The following TCF4 variants were observed in gnomAD, a reference collection of about 807,000 sequenced individuals.
TCF4 encodes the protein transcription factor 4, also known as SL3-3 enhancer factor 2.
In TCF4, 3 loss-of-function variants were observed where a neutral mutation model predicts 82.1. The ratio of observed to expected loss-of-function variants is 0.04; its 90% confidence interval spans 0.02 to 0.09. The LOEUF is 0.09. TCF4 is among the 10% of genes least tolerant of loss of function. The pLI is 1.00. For synonymous variants in TCF4, 276 were observed against 309.6 expected (o/e 0.89, Z 1.14); for missense variants, 518 against 852.7 (o/e 0.61, Z 4.89).
intron 8 of TCF4, among the ~76,000 whole-genome samples, chr18:55,331,619 A>G (rs1207766293): frequency 6.6e-6 from 1 of 152,234 alleles, no homozygotes; most frequent in East Asian, 1.9e-4. Flanking sequence ...TGTAACTTCC[A>G]TTTGAGAATA....
At position 55,633,894 on chromosome 18, in the gene TCF4, AAAC is replaced by A. The variant is rs71169310; in HGVS notation, c.195+1806_195+1808del. Among the ~76,000 whole-genome samples, 68,386 of 150,528 alleles carry A rather than the reference AAAC, an allele frequency of 0.45. 16,919 individuals are homozygous for A. The highest frequency in any genetic ancestry group is 0.62 in the Admixed American group (9,407 of 15,092). ...ACCAAACCAAAACAAAAAAGGCACA[AAAC>A]AACAACAACAACAACAACAACAACA... On this transcript the variant is annotated intron_variant, in intron 1 of 20. Transcript: ENST00000398339. The surrounding 1 kb of genome is among the most constrained non-coding windows in gnomAD (Gnocchi z 4.0).
chr18:55,404,118 A>C (rs1050961914), intron 5 of TCF4: 2 of 861,540 alleles, frequency 2.3e-6, no homozygotes, highest in Non-Finnish European at 1.5e-6. Flanking sequence ...TCTGAACCCA[A>C]GTTCAGATTC....
chr18:55,403,022 C>T (rs767629665), intron 6 of TCF4, among the ~76,000 whole-genome samples: 1 of 152,138 alleles, frequency 6.6e-6, no homozygotes, highest in African/African-American at 2.4e-5. Context: ...CCTGTTTTCA[C>T]ACAACATCAT....
At chr18:55,413,179 C>T (rs1437537133) in intron 5 of TCF4, among the ~76,000 whole-genome samples, 3 of 152,082 alleles carry the variant, frequency 2.0e-5, no homozygotes, top group Admixed American at 1.3e-4. Context: ...ATAATACATA[C>T]ATAAACACAC....
chr18:55,306,136 T>C (rs1205460944), intron 8 of TCF4, among the ~76,000 whole-genome samples: 1 of 152,176 alleles, frequency 6.6e-6, no homozygotes, highest in African/African-American at 2.4e-5. Flanking sequence ...AAGTGAATTA[T>C]TAATTATTTG....
intron 6 of TCF4, among the ~76,000 whole-genome samples, chr18:55,371,126 G>A (rs531165396): frequency 6.6e-6 from 1 of 152,258 alleles, no homozygotes; most frequent in African/African-American, 2.4e-5. Context: ...TGGTATTATT[G>A]AGGTCTCTGG....
chr18:55,596,091 C>T (rs774293768), intron 2 of TCF4: 9 of 438,216 alleles, frequency 2.1e-5, no homozygotes, highest in Admixed American at 7.4e-5. Flanking sequence ...AAATTAGCCT[C>T]GAGTGATGAC....
Position 55,574,364 on chromosome 18 carries a change from G to A in TCF4, c.145+10916C>T, listed in dbSNP as rs569318364. On this transcript the variant is annotated intron_variant, in intron 3 of 19. Transcript: ENST00000354452. The stretch of plus-strand genomic sequence containing the variant: ...TTTTGAGACAGAGTCTTGCTCTGTC[G>A]CCAATACTGGAGGGCAGTGGCGCAA... Among the ~76,000 whole-genome samples the A allele has an allele frequency of 2.4e-4, 37 of 151,990 alleles. No individual in the cohort carries two copies. The South Asian group carries it at 5.4e-3, about 22-fold the overall frequency.
At chr18:55,615,702 T>C (rs2097711094) in intron 2 of TCF4, among the ~76,000 whole-genome samples, 1 of 152,104 alleles carries the variant, frequency 6.6e-6, no homozygotes. Context: ...TTCTTCTATT[T>C]TTAGTTTGCT....
At chr18:55,357,529 A>T (rs899623429) in intron 6 of TCF4, among the ~76,000 whole-genome samples, 4 of 152,218 alleles carry the variant, frequency 2.6e-5, no homozygotes, top group African/African-American at 9.6e-5. Flanking sequence ...CTGTTAACAT[A>T]CTAGGGAATT....
At chr18:55,534,427 C>T (rs2097097247) in intron 3 of TCF4, among the ~76,000 whole-genome samples, 2 of 152,226 alleles carry the variant, frequency 1.3e-5, no homozygotes, top group Non-Finnish European at 2.9e-5. Flanking sequence ...GGAAGAGACA[C>T]ATAAGTGAGG....
chr18:55,334,435 G>C (rs2078220251), intron 8 of TCF4, among the ~76,000 whole-genome samples: 1 of 151,810 alleles, frequency 6.6e-6, no homozygotes, highest in South Asian at 2.1e-4. Flanking sequence ...ATCTCCAATT[G>C]CATAATTCCA....
upstream of TCF4, among the ~76,000 whole-genome samples, chr18:55,592,791 T>C (rs951788606): frequency 1.3e-5 from 2 of 152,160 alleles, no homozygotes; most frequent in African/African-American, 2.4e-5. Context: ...GTGAGAGCCA[T>C]GGTTATAGGG....
At chr18:55,456,302 G>C (rs2033557012) in intron 5 of TCF4, among the ~76,000 whole-genome samples, 1 of 152,180 alleles carries the variant, frequency 6.6e-6, no homozygotes. Flanking sequence ...TGCTGAGCTA[G>C]GTTAGAACCC....
chr18:55,586,004 G>A (rs2097641285), intron 2 of TCF4: 2 of 1,344,228 alleles, frequency 1.5e-6, no homozygotes, highest in Non-Finnish European at 9.7e-7. Context: ...AAAAAGCAAA[G>A]GAACGAATGG....
chr18:55,375,629 TAAAC>T (rs2090541018), intron 6 of TCF4, among the ~76,000 whole-genome samples: 1 of 152,122 alleles, frequency 6.6e-6, no homozygotes, highest in Non-Finnish European at 1.5e-5. Context: ...TAAAAAATCT[TAAAC>T]AACTAAAAAA....
At chr18:55,481,111 A>C (rs1398842741) in intron 3 of TCF4, among the ~76,000 whole-genome samples, 2 of 147,074 alleles carry the variant, frequency 1.4e-5, no homozygotes, top group African/African-American at 5.0e-5. Flanking sequence ...CTCAAAAAAA[A>C]AAAAAAAAAA....
At chr18:55,586,950 TG>T in intron 2 of TCF4, 94 bp downstream of exon 2, 1 of 1,078,406 alleles carries the variant, frequency 9.3e-7, no homozygotes, top group Non-Finnish European at 1.4e-6. Context: ...AAATTATTAC[TG>T]TCCTTTAGAT....
intron 3 of TCF4, among the ~76,000 whole-genome samples, chr18:55,549,341 A>G (rs2097237537): frequency 6.6e-6 from 1 of 152,106 alleles, no homozygotes; most frequent in Middle Eastern, 3.2e-3. Context: ...AAAAAAAAAA[A>G]AATTGACCTT....
Sources: allele counts gnomAD v4.1 joint callset (sites outside exome capture counted in the v4.1 genomes callset), GRCh38; gene constraint gnomAD v4.1.1; non-coding constraint Gnocchi (gnomAD v3.1); transcripts MANE v1.5; gene names NCBI Gene and HGNC (gene_info 2026-07-23, HGNC 2026-07-21).